The following PFDN1 variants were observed in gnomAD, a reference collection of about 807,000 sequenced individuals.
PFDN1 encodes prefoldin 1.
Under a neutral mutation model 17.3 loss-of-function variants are expected in PFDN1, and 6 were observed. That is an observed-to-expected ratio of 0.35 (90% CI 0.19 to 0.69). The LOEUF is 0.69. Among genes scored for constraint, PFDN1 ranks in the 30% least tolerant of loss-of-function variants. The pLI, the probability that PFDN1 is intolerant of heterozygous loss-of-function variation, is 0.65. For synonymous variants in PFDN1, 58 were observed against 50.1 expected, an observed-to-expected ratio of 1.16 and a Z score of -0.67; for missense variants, 113 against 146.2, an observed-to-expected ratio of 0.77 and a Z score of 1.17.
intron 2 of PFDN1, among the ~76,000 whole-genome samples, chr5:140,291,314 A>C (rs1201549259): frequency 6.6e-6 from 1 of 152,212 alleles, no homozygotes; most frequent in Non-Finnish European, 1.5e-5. Flanking sequence ...TTCTGAACAA[A>C]ATTTAAAGAT....
intron 3 of PFDN1, among the ~76,000 whole-genome samples, chr5:140,268,504 G>A (rs894092757): frequency 1.3e-5 from 2 of 151,954 alleles, no homozygotes; most frequent in Admixed American, 1.3e-4. Flanking sequence ...AAAATTAGCC[G>A]GTTATGGTGG....
chr5:140,247,440 A>G (rs1249279302), intron 3 of PFDN1, among the ~76,000 whole-genome samples: 2 of 152,050 alleles, frequency 1.3e-5, no homozygotes, highest in Non-Finnish European at 2.9e-5. Context: ...GCGCTTAGCT[A>G]TTTATTAAAT....
chr5:140,258,894 G>A (rs992219457), intron 3 of PFDN1, among the ~76,000 whole-genome samples: 3 of 152,284 alleles, frequency 2.0e-5, no homozygotes, highest in South Asian at 2.1e-4. Context: ...CTGGGCTAGA[G>A]ATATAATTTT....
intron 3 of PFDN1, among the ~76,000 whole-genome samples, chr5:140,280,014 C>CCAAAA (rs1335205089): frequency 1.0e-5 from 1 of 99,126 alleles, no homozygotes; most frequent in Non-Finnish European, 1.9e-5. Flanking sequence ...AAAAAAAAAA[C>CCAAAA]AAAAAAAGAA....
In PFDN1 at chr5:140,300,671, T is replaced by C. The variant is rs1048518773; in HGVS notation, c.34-89A>G. 4.8e-6 allele frequency: 4 copies of C among 833,774 alleles called. No individual in the cohort carries two copies. In the African/African-American group the frequency reaches 6.9e-5, roughly 14 times the overall value. 51.6% of individuals were successfully genotyped at this position (833,774 alleles called of 1,614,324 possible). Reference sequence around the variant, plus strand: ...CCAAATATATTAAAACAAAATATGCTAGCCAGAGACAAAGCTGTGAAATTT... The same window carrying C: ...CCAAATATATTAAAACAAAATATGCCAGCCAGAGACAAAGCTGTGAAATTT... On this transcript the variant is annotated intron_variant, in intron 1 of 3. Transcript: ENST00000261813.
At chr5:140,276,015 T>TTGA (rs57224353) in intron 3 of PFDN1, among the ~76,000 whole-genome samples, 9,081 of 149,312 alleles carry the variant, frequency 0.061, 314 homozygotes, top group East Asian at 0.17. Flanking sequence ...AGAAGAGAAA[T>TTGA]TGATGATGAT....
At position 140,286,192 on chromosome 5, in the gene PFDN1, C is replaced by G. The variant is rs191064169; in HGVS notation, c.201-4659G>C. 2.3e-3 allele frequency among the ~76,000 whole-genome samples: 348 copies of G among 151,884 alleles called. 2 individuals are homozygous for G. Among genetic ancestry groups the G allele is most frequent in the Middle Eastern group, 3.4e-3 (1 of 294 alleles). The stretch of plus-strand genomic sequence containing the variant: ...TTAGGAGGCCGAGGTGGGTGGGTCA[C>G]TTGAGTTCAGGAGTTAGAGACCCGC... On this transcript the variant is annotated intron_variant, in intron 2 of 3. Coordinates refer to ENST00000261813, the MANE Select transcript of PFDN1 (RefSeq NM_002622.5).
intron 3 of PFDN1, among the ~76,000 whole-genome samples, chr5:140,265,055 C>A (rs1262395955): frequency 2.6e-5 from 4 of 152,164 alleles, no homozygotes; most frequent in South Asian, 2.1e-4. Flanking sequence ...CAGGATTCCA[C>A]AGATCCATGG....
chr5:140,261,361 G>C (rs1406318759), intron 3 of PFDN1, among the ~76,000 whole-genome samples: 1 of 152,140 alleles, frequency 6.6e-6, no homozygotes, highest in East Asian at 1.9e-4. Context: ...AATGCTGTAA[G>C]CAAAAGCACT....
At chr5:140,285,691 GA>G (rs1321442919) in intron 2 of PFDN1, among the ~76,000 whole-genome samples, 1 of 151,978 alleles carries the variant, frequency 6.6e-6, no homozygotes, top group Non-Finnish European at 1.5e-5. Flanking sequence ...AACACAAAAG[GA>G]AGGATTCCAC....
intron 3 of PFDN1, among the ~76,000 whole-genome samples, chr5:140,250,266 G>A (rs549554581): frequency 6.6e-5 from 10 of 152,212 alleles, no homozygotes; most frequent in East Asian, 1.9e-4. Context: ...ACTCTTCCCC[G>A]TCACTCCTTC....
intron 2 of PFDN1, among the ~76,000 whole-genome samples, chr5:140,288,619 G>A (rs1168738484): frequency 2.0e-5 from 3 of 152,212 alleles, no homozygotes; most frequent in Non-Finnish European, 4.4e-5. Flanking sequence ...GTGTGGGAGA[G>A]AGTGGAAAGG....
Position 140,277,531 on chromosome 5 carries a change from C to A in PFDN1, c.285+3918G>T, listed in dbSNP as rs537516652. The stretch of plus-strand genomic sequence containing the variant: ...ATTTATTAAAAAAAAAACACTAATC[C>A]TCAGATTCAGGAAACCCAACAAATT... On this transcript the variant is annotated intron_variant, in intron 3 of 3. Coordinates refer to ENST00000261813, the MANE Select transcript of PFDN1 (RefSeq NM_002622.5). Among the ~76,000 whole-genome samples, 3 of 151,502 alleles carry A rather than the reference C, an allele frequency of 2.0e-5. No individual in the cohort carries two copies. In the South Asian group the frequency reaches 6.3e-4, roughly 32 times the overall value.
chr5:140,292,628 A>G (rs1765595912), intron 2 of PFDN1, among the ~76,000 whole-genome samples: 1 of 152,166 alleles, frequency 6.6e-6, no homozygotes, highest in Admixed American at 6.5e-5. Flanking sequence ...ATCTACTGCA[A>G]AACAAGAGTT....
intron 2 of PFDN1, among the ~76,000 whole-genome samples, chr5:140,296,861 C>T (rs1561519887): frequency 6.6e-6 from 1 of 152,256 alleles, no homozygotes; most frequent in South Asian, 2.1e-4. Flanking sequence ...ACATGCTATC[C>T]TAACCCTGGA....
At chr5:140,270,311 G>T (rs1031769560) in intron 3 of PFDN1, among the ~76,000 whole-genome samples, 2 of 152,160 alleles carry the variant, frequency 1.3e-5, no homozygotes, top group African/African-American at 4.8e-5. Context: ...ACCATATAAA[G>T]CATGTAACAA....
intron 3 of PFDN1, among the ~76,000 whole-genome samples, chr5:140,256,804 A>G (rs550740915): frequency 3.9e-5 from 6 of 152,014 alleles, no homozygotes; most frequent in African/African-American, 1.4e-4. Flanking sequence ...ATATATTCCC[A>G]AACTCTACTC....
rs748070688 is a variant in PFDN1 at position 140,300,472 on chromosome 5, A to G, written c.144T>C (p.Asp48=). Residue 48 remains aspartate (D), a synonymous_variant, in exon 2 of 4, where the codon GAT becomes GAC. Transcript: ENST00000261813. ...CATCTACCAAAGTCATGATCTCTGT[A>G]TCTGTAAGATGTGCATGCTTTTTCG... The part of the protein sequence containing the change: ...NRTKKHAHLT[D]TEIMTLVDET... The G allele has an allele frequency of 4.3e-6, 7 of 1,610,920 alleles. No individual in the cohort carries two copies. Among genetic ancestry groups the G allele is most frequent in the Non-Finnish European group, 5.1e-6 (6 of 1,177,244 alleles).
intron 2 of PFDN1, among the ~76,000 whole-genome samples, chr5:140,288,280 T>C (rs1039287019): frequency 2.6e-5 from 4 of 152,206 alleles, no homozygotes; most frequent in Admixed American, 6.5e-5. Flanking sequence ...TAAATGCATA[T>C]TGCTAAGTCG....
Sources: allele counts gnomAD v4.1 joint callset (sites outside exome capture counted in the v4.1 genomes callset), GRCh38; gene constraint gnomAD v4.1.1; transcripts MANE v1.5; gene names NCBI Gene and HGNC (gene_info 2026-07-23, HGNC 2026-07-21).